Variants in TCTN1 observed in about 807,000 individuals in gnomAD.
TCTN1 encodes the protein tectonic-1.
TCTN1 carries 58 observed loss-of-function variants against 65.8 expected under a neutral mutation model. The observed-to-expected ratio is 0.88, with a 90% confidence interval of 0.71 to 1.10. The LOEUF (loss-of-function observed/expected upper bound fraction) is 1.10, where lower values mean the gene tolerates loss of function less well. TCTN1 is among the 50% of genes least tolerant of loss of function. TCTN1 has a pLI of 0.00. For missense variants in TCTN1, 645 were observed against 719.4 expected, an observed-to-expected ratio of 0.90 and a Z score of 1.18; for synonymous variants, 273 against 289.1, an observed-to-expected ratio of 0.94 and a Z score of 0.57.
At chr12:110,627,166 C>T (rs1365377976) in intron 3 of TCTN1, among the ~76,000 whole-genome samples, 2 of 145,552 alleles carry the variant, frequency 1.4e-5, no homozygotes, top group Non-Finnish European at 3.0e-5. Flanking sequence ...GGCACGTTCT[C>T]AGCTCACTGC....
chr12:110,627,696 C>A, intron 3 of TCTN1: 1 of 432,376 alleles, frequency 2.3e-6, no homozygotes, highest in Non-Finnish European at 4.0e-6. Flanking sequence ...CCTGTGGTTT[C>A]TATTTCCTTT....
At chr12:110,625,312 G>A (rs1191506344) in intron 2 of TCTN1, among the ~76,000 whole-genome samples, 1 of 152,146 alleles carries the variant, frequency 6.6e-6, no homozygotes, top group African/African-American at 2.4e-5. Flanking sequence ...AAAAAGAGAT[G>A]AGGATCTCAC....
At position 110,619,821 on chromosome 12, in the gene TCTN1, C is replaced by T. The variant is rs1279409712; in HGVS notation, c.221-15C>T. 5 of 1,614,062 alleles carry T rather than the reference C, an allele frequency of 3.1e-6. No individual in the cohort carries two copies. Among genetic ancestry groups the T allele is most frequent in the Non-Finnish European group, 3.4e-6 (4 of 1,180,010 alleles). ...GATGGTGATGTTCTGGATCCTACCC[C>T]TCTTTTTTCTGCAGTTGCTGTTCTC... On this transcript the variant is annotated splice_polypyrimidine_tract_variant and intron_variant, in intron 1 of 14. Coordinates refer to ENST00000397659, the MANE Select transcript of TCTN1 (RefSeq NM_001082538.3).
At chr12:110,627,786 C>G in intron 3 of TCTN1, 1 of 529,766 alleles carries the variant, frequency 1.9e-6, no homozygotes, top group South Asian at 3.1e-5. Context: ...AAATATATGT[C>G]TAGATCCAAA....
rs1593349974 is a variant in TCTN1, at chr12:110,640,578, CG to C, written c.978+65del. On this transcript the variant is annotated intron_variant, in intron 8 of 14. Transcript: ENST00000397659. The surrounding 1 kb of genome is among the most constrained non-coding windows in gnomAD (Gnocchi z 4.9). ...GGCAGACTTAAGCCTCTTGTTGCGC[CG>C]GGGTAACTGGACGCCCTCCGAGGAC... 7 of 1,612,304 alleles carry C rather than the reference CG, an allele frequency of 4.3e-6. No individual in the cohort carries two copies. The East Asian group carries it at 1.6e-4, about 36-fold the overall frequency.
chr12:110,622,583 G>A (rs1209273444), intron 2 of TCTN1, among the ~76,000 whole-genome samples: 1 of 152,174 alleles, frequency 6.6e-6, no homozygotes, highest in Admixed American at 6.6e-5. Context: ...ATGGACTGAG[G>A]GGAAGGGCAT....
At chr12:110,617,162 C>T (rs568785494) in intron 1 of TCTN1, among the ~76,000 whole-genome samples, 77 of 152,214 alleles carry the variant, frequency 5.1e-4, no homozygotes, top group African/African-American at 1.7e-3. Flanking sequence ...TTTACATTAG[C>T]GTGCATAAGT....
At position 110,639,792 on chromosome 12, in the gene TCTN1, A is replaced by T. The variant is rs1422436588; in HGVS notation, c.844-591A>T. Among the ~76,000 whole-genome samples, 1 of 152,210 alleles carries T rather than the reference A, an allele frequency of 6.6e-6. No individual in the cohort carries two copies. Among genetic ancestry groups the T allele is most frequent in the Non-Finnish European group, 1.5e-5 (1 of 68,028 alleles). On this transcript the variant is annotated intron_variant, in intron 7 of 14. Transcript: ENST00000397659. This position sits in a 1 kb window ranked among gnomAD's most constrained non-coding sequence, Gnocchi z 4.9. ...CCGGAACATTTCCATCACCCCAAAA[A>T]GGAGCCTTGTGTTAGCAGTCACTCC...
intron 3 of TCTN1, 128 bp downstream of exon 3, chr12:110,626,620 C>T (rs1228099965): frequency 6.8e-6 from 7 of 1,036,156 alleles, no homozygotes. Flanking sequence ...TGCTCTGTCA[C>T]CCAGGCTGGC....
Position 110,644,628 on chromosome 12 carries a change from A to G in TCTN1, c.1332-339A>G. 6.0e-6 allele frequency: 2 copies of G among 331,754 alleles called. No homozygotes were observed. The highest frequency in any genetic ancestry group is 1.2e-5 in the Non-Finnish European group (2 of 172,572). 20.6% of individuals were successfully genotyped at this position (331,754 alleles called of 1,614,324 possible). ...GGGAGGCGGTGGTTGCAGTGAGCCA[A>G]GATTGCCTCACTGTACTCCAGCCTG... On this transcript the variant is annotated intron_variant, in intron 11 of 14. Transcript: ENST00000397659. The surrounding 1 kb of genome is among the most constrained non-coding windows in gnomAD (Gnocchi z 4.6).
intron 3 of TCTN1, chr12:110,628,314 T>G: frequency 7.5e-7 from 1 of 1,334,052 alleles, no homozygotes; most frequent in Non-Finnish European, 1.0e-6. Context: ...TAAAAAATCC[T>G]GGGAGAAGTG....
At chr12:110,620,008 A>G (rs780590715) in intron 2 of TCTN1, 52 bp downstream of exon 2, 2 of 1,613,708 alleles carry the variant, frequency 1.2e-6, no homozygotes, top group South Asian at 2.2e-5. Flanking sequence ...CCAGGATAAT[A>G]CAATTTGGAG....
chr12:110,628,244 A>G, intron 3 of TCTN1: 1 of 1,534,904 alleles, frequency 6.5e-7, no homozygotes, highest in Admixed American at 2.0e-5. Context: ...ACAAACTATT[A>G]CTTCCCCATT....
intron 2 of TCTN1, among the ~76,000 whole-genome samples, chr12:110,626,089 C>CT (rs1447203208): frequency 6.6e-6 from 1 of 150,602 alleles, no homozygotes; most frequent in Non-Finnish European, 1.5e-5. Context: ...TTCTTTCTTT[C>CT]TTTCTTTTTT....
In TCTN1 at chr12:110,647,263, A is replaced by T. The variant is rs978264567; in HGVS notation, c.1562A>T (p.Tyr521Phe). Reference sequence around the variant, plus strand: ...GTTATAGAAGTGAAGTGGACTAAATACGGATCCCTGCTGAATCCACAGGCC... The same window carrying T: ...GTTATAGAAGTGAAGTGGACTAAATTCGGATCCCTGCTGAATCCACAGGCC... Reference protein sequence around the residue: ...ALVIEVKWTKYGSLLNPQAKI... With the variant: ...ALVIEVKWTKFGSLLNPQAKI... The change falls in exon 13 of 15, where the codon TAC (tyrosine) becomes TTC (phenylalanine). Residue 521 changes from tyrosine to phenylalanine, a missense_variant. By Grantham distance (22) the Tyr-to-Phe change is conservative (BLOSUM62 3). Coordinates refer to ENST00000397659, the MANE Select transcript of TCTN1 (RefSeq NM_001082538.3). 2 of 1,614,086 alleles carry T rather than the reference A, an allele frequency of 1.2e-6. No individual in the cohort carries two copies. Among genetic ancestry groups the T allele is most frequent in the African/African-American group, 2.7e-5 (2 of 74,930 alleles).
In TCTN1 at chr12:110,647,240, T is replaced by G; in HGVS notation, c.1539T>G (p.Val513=). 6.2e-7 allele frequency: 1 copy of G among 1,614,200 alleles called. No homozygotes were observed. Among genetic ancestry groups the G allele is most frequent in the East Asian group, 2.2e-5 (1 of 44,882 alleles). The change falls in exon 13 of 15, where the codon GTT becomes GTG. Residue 513 remains valine, a synonymous_variant. Transcript: ENST00000397659. ...QDSCQLPGAL[V]IEVKWTKYGS... ...CCTGCCAGCTCCCAGGGGCTTTGGTTATAGAAGTGAAGTGGACTAAATACG... is the reference window on the plus strand; with the variant it reads ...CCTGCCAGCTCCCAGGGGCTTTGGTGATAGAAGTGAAGTGGACTAAATACG...
intron 3 of TCTN1, chr12:110,628,200 T>C (rs904150465): frequency 6.5e-7 from 1 of 1,536,050 alleles, no homozygotes; most frequent in Non-Finnish European, 8.7e-7. Context: ...CGGATTATTA[T>C]TGGCTTCTGT....
chr12:110,631,575 A>G (rs2136037030), intron 4 of TCTN1, among the ~76,000 whole-genome samples: 1 of 152,206 alleles, frequency 6.6e-6, no homozygotes. Flanking sequence ...CGGAGGTTGC[A>G]GTGAGCTGAG....
At chr12:110,643,286 T>C (rs2067082980) in intron 11 of TCTN1, 1 of 152,250 alleles carries the variant, frequency 6.6e-6, no homozygotes, top group African/African-American at 2.4e-5. Context: ...TGTTTCTCAA[T>C]TTTAATATAC....
Sources: allele counts gnomAD v4.1 joint callset (sites outside exome capture counted in the v4.1 genomes callset), GRCh38; gene constraint gnomAD v4.1.1; non-coding constraint Gnocchi (gnomAD v3.1); transcripts MANE v1.5; gene names NCBI Gene and HGNC (gene_info 2026-07-23, HGNC 2026-07-21).